NCAM2: variants seen among roughly 807,000 people sequenced by gnomAD.
NCAM2 encodes the protein N-CAM-2.
In NCAM2, 30 loss-of-function variants were observed where a neutral mutation model predicts 98.1. The ratio of observed to expected loss-of-function variants is 0.31; its 90% confidence interval spans 0.23 to 0.41. The LOEUF (loss-of-function observed/expected upper bound fraction) is 0.41. NCAM2 is among the 10% of genes least tolerant of loss of function. The pLI is 1.00. For missense variants in NCAM2, 867 were observed against 1,005.8 expected (o/e 0.86, Z 1.87); for synonymous variants, 368 against 342.4 (o/e 1.07, Z -0.83).
intron 1 of NCAM2, chr21:21,226,685 A>G (rs1364902004): frequency 6.6e-6 from 1 of 152,118 alleles, no homozygotes; most frequent in African/African-American, 2.4e-5. Context: ...TGTGATTGTT[A>G]TTCACAAAGG....
intron 8 of NCAM2, among the ~76,000 whole-genome samples, chr21:21,371,641 C>T (rs1398211654): frequency 6.6e-6 from 1 of 151,792 alleles, no homozygotes; most frequent in Non-Finnish European, 1.5e-5. Flanking sequence ...AGATCACAAT[C>T]CACACTTTGG....
chr21:21,386,348 C>A (rs150979405), intron 9 of NCAM2, among the ~76,000 whole-genome samples: 111 of 152,270 alleles, frequency 7.3e-4, no homozygotes, highest in African/African-American at 2.5e-3. Context: ...TGATTAAAAT[C>A]TTGTCTTATG....
intron 16 of NCAM2, among the ~76,000 whole-genome samples, chr21:21,512,925 G>A (rs150939593): frequency 7.7e-4 from 117 of 151,930 alleles, no homozygotes; most frequent in Non-Finnish European, 1.4e-3. Flanking sequence ...ATTATTGTAC[G>A]TTGATTTTTT....
intron 1 of NCAM2, among the ~76,000 whole-genome samples, chr21:21,069,084 A>G (rs2065503825): frequency 2.0e-5 from 3 of 152,306 alleles, no homozygotes; most frequent in Admixed American, 6.5e-5. Context: ...TTAAAATCCA[A>G]TTGTAATTAT....
intron 15 of NCAM2, among the ~76,000 whole-genome samples, chr21:21,505,576 A>G (rs1313277391): frequency 1.3e-5 from 2 of 152,060 alleles, no homozygotes; most frequent in Non-Finnish European, 2.9e-5. Context: ...TTTAAAAGCT[A>G]ACTAGCCAAA....
At chr21:21,058,208 AAG>A (rs2065252538) in intron 1 of NCAM2, among the ~76,000 whole-genome samples, 1 of 31,680 alleles carries the variant, frequency 3.2e-5, no homozygotes. Context: ...CCAAAGGGCA[AAG>A]AAAAAAAACA....
chr21:21,437,562 C>A (rs1423777858), intron 12 of NCAM2, among the ~76,000 whole-genome samples: 11 of 151,134 alleles, frequency 7.3e-5, no homozygotes, highest in African/African-American at 2.4e-4. Flanking sequence ...ATGCAGGGAT[C>A]CCCACTTCAT....
At chr21:21,142,364 CGT>C (rs1491234820) in intron 1 of NCAM2, among the ~76,000 whole-genome samples, 12 of 111,674 alleles carry the variant, frequency 1.1e-4, no homozygotes, top group East Asian at 3.5e-4. Context: ...ATTATTTGAC[CGT>C]TTTTTTTTAT....
intron 1 of NCAM2, among the ~76,000 whole-genome samples, chr21:21,194,225 G>C (rs1398204831): frequency 6.6e-6 from 1 of 152,004 alleles, no homozygotes; most frequent in African/African-American, 2.4e-5. Context: ...ATTGCAATTA[G>C]TATATGTTTT....
At chr21:21,301,034 T>C (rs1356696280) in intron 5 of NCAM2, among the ~76,000 whole-genome samples, 2 of 152,092 alleles carry the variant, frequency 1.3e-5, no homozygotes, top group African/African-American at 2.4e-5. Context: ...ATATCTTCTT[T>C]TGAGAAGTAT....
At chr21:21,353,656 C>G (rs1299038355) in intron 8 of NCAM2, among the ~76,000 whole-genome samples, 2 of 152,132 alleles carry the variant, frequency 1.3e-5, no homozygotes, top group East Asian at 3.9e-4. Context: ...TCATCTTTTT[C>G]TTCCCTTTCT....
intron 1 of NCAM2, among the ~76,000 whole-genome samples, chr21:21,208,683 C>A (rs1188421055): frequency 1.3e-5 from 2 of 151,428 alleles, no homozygotes; most frequent in East Asian, 1.9e-4. Flanking sequence ...TAGAGGAGAC[C>A]TTAAGAAAAA....
chr21:21,377,478 TTTTA>T (rs1326698568), intron 9 of NCAM2, among the ~76,000 whole-genome samples: 3 of 151,930 alleles, frequency 2.0e-5, no homozygotes, highest in Non-Finnish European at 2.9e-5. Context: ...ACTTATTTAC[TTTTA>T]TTTAGTTATA....
intron 1 of NCAM2, among the ~76,000 whole-genome samples, chr21:21,109,130 T>C (rs80180817): frequency 0.011 from 1,672 of 152,246 alleles, 35 homozygotes; most frequent in African/African-American, 0.038. Context: ...GTGGTTGGAA[T>C]ATACTTTTAG....
intron 10 of NCAM2, among the ~76,000 whole-genome samples, chr21:21,413,976 A>C (rs926663303): frequency 2.0e-5 from 3 of 152,234 alleles, no homozygotes; most frequent in Non-Finnish European, 4.4e-5. Context: ...AAAATGAAGT[A>C]AATCCTCTCA....
chr21:21,324,273 G>T, intron 5 of NCAM2, 110 bp from the exon 6 acceptor site: 1 of 669,672 alleles, frequency 1.5e-6, no homozygotes. Flanking sequence ...TAATATAAAT[G>T]GAGATGTGAA....
At chr21:21,210,421 G>C (rs1430882636) in intron 1 of NCAM2, 1 of 734,360 alleles carries the variant, frequency 1.4e-6, no homozygotes, top group East Asian at 9.9e-5. Flanking sequence ...TCAAAATACT[G>C]AGATATTTAA....
At chr21:21,201,505 A>T (rs1023819066) in intron 1 of NCAM2, among the ~76,000 whole-genome samples, 5 of 152,212 alleles carry the variant, frequency 3.3e-5, no homozygotes, top group African/African-American at 1.2e-4. Flanking sequence ...CTAAAGGACA[A>T]TAGTGATATG....
chr21:21,414,963 T>C (rs955265745), intron 10 of NCAM2, among the ~76,000 whole-genome samples: 38 of 146,566 alleles, frequency 2.6e-4, no homozygotes, highest in Non-Finnish European at 4.8e-4. Flanking sequence ...TTTTTTTTTT[T>C]CTCAGCACTA....
Sources: gnomAD v4.1 joint callset for allele counts (sites outside exome capture counted in the v4.1 genomes callset) on GRCh38, gnomAD v4.1.1 for gene constraint, MANE v1.5 for transcripts, NCBI Gene and HGNC (gene_info 2026-07-23, HGNC 2026-07-21) for gene names.